Variants in CCSER1 observed in about 807,000 individuals in gnomAD.
The protein encoded by CCSER1 is coiled-coil serine rich protein 1, also known as serine-rich coiled-coil domain-containing protein 1.
CCSER1 carries 41 observed loss-of-function variants against 82.0 expected under a neutral mutation model. That is an observed-to-expected ratio of 0.50 (90% confidence interval 0.39 to 0.65). The LOEUF is 0.65. Among genes scored for constraint, CCSER1 ranks in the 30% least tolerant of loss-of-function variants. The probability of loss-of-function intolerance (pLI) is 0.00; values close to 1 mark genes in which losing one functional copy is unlikely to be tolerated. For missense variants in CCSER1, 1,119 were observed against 1,064.2 expected (o/e 1.05, Z -0.72); for synonymous variants, 414 against 383.9 (o/e 1.08, Z -0.92).
chr4:91,168,186 TG>T (rs1176758127), intron 10 of CCSER1, among the ~76,000 whole-genome samples: 1 of 130,852 alleles, frequency 7.6e-6, no homozygotes, highest in Non-Finnish European at 1.6e-5. Context: ...GCCCATCGTC[TG>T]GGAAGTGAGT....
intron 8 of CCSER1, among the ~76,000 whole-genome samples, chr4:90,849,590 C>A (rs1392687071): frequency 1.3e-5 from 2 of 151,744 alleles, no homozygotes; most frequent in Non-Finnish European, 2.9e-5. Context: ...GAGATCAAGA[C>A]CATCCTGGCT....
At chr4:90,300,189 T>C (rs1732827310) in intron 1 of CCSER1, among the ~76,000 whole-genome samples, 1 of 152,172 alleles carries the variant, frequency 6.6e-6, no homozygotes, top group African/African-American at 2.4e-5. Context: ...GGACTTTGAT[T>C]ACAAGAGGTC....
intron 3 of CCSER1, among the ~76,000 whole-genome samples, chr4:90,354,524 T>G (rs1339353727): frequency 1.3e-5 from 2 of 152,128 alleles, no homozygotes; most frequent in Non-Finnish European, 2.9e-5. Context: ...CAATAGTAAC[T>G]GTGTGATCAA....
At chr4:90,856,037 C>T (rs1206433624) in intron 8 of CCSER1, among the ~76,000 whole-genome samples, 2 of 152,040 alleles carry the variant, frequency 1.3e-5, no homozygotes, top group African/African-American at 2.4e-5. Context: ...ATTTATAGCA[C>T]TCATATTTCT....
intron 10 of CCSER1, among the ~76,000 whole-genome samples, chr4:91,175,157 CT>C: frequency 6.6e-6 from 1 of 152,142 alleles, no homozygotes; most frequent in Admixed American, 6.5e-5. Context: ...TGAACTCATC[CT>C]TTTTTATGGC....
chr4:90,643,449 A>G, intron 6 of CCSER1, among the ~76,000 whole-genome samples: 1 of 152,126 alleles, frequency 6.6e-6, no homozygotes, highest in Admixed American at 6.5e-5. Context: ...GAGCAAGAAT[A>G]TACAGTCTAA....
Position 90,628,204 on chromosome 4 carries a change from T to C in CCSER1, c.1904T>C (p.Leu635Ser). The change falls in exon 6 of 11, where the codon TTA (leucine) becomes TCA (serine). Residue 635 changes from leucine to serine, a missense_variant. Coordinates refer to ENST00000509176, the MANE Select transcript of CCSER1 (RefSeq NM_001145065.2). ...GACTGCACGGCAGTCAAGACGTTAT[T>C]ATTAAAGATGAAGAGAGTTCTTCAA... ...LQDCTAVKTL[L>S]LKMKRVLQES... The C allele has an allele frequency of 6.2e-7, 1 of 1,613,756 alleles. No individual in the cohort carries two copies. The highest frequency in any genetic ancestry group is 8.5e-7 in the Non-Finnish European group (1 of 1,179,738).
intron 1 of CCSER1, among the ~76,000 whole-genome samples, chr4:90,246,979 T>TA (rs140777938): frequency 5.3e-5 from 8 of 151,456 alleles, no homozygotes; most frequent in Admixed American, 1.3e-4. Flanking sequence ...CATTATTAAG[T>TA]AAAAAAAAGG....
chr4:90,353,839 G>A (rs1164333539), intron 3 of CCSER1, among the ~76,000 whole-genome samples: 2 of 152,150 alleles, frequency 1.3e-5, no homozygotes, highest in Admixed American at 1.3e-4. Flanking sequence ...AGAACAAGTG[G>A]CCTCATGCTG....
At chr4:90,754,433 T>A (rs1290496162) in intron 7 of CCSER1, among the ~76,000 whole-genome samples, 5 of 152,142 alleles carry the variant, frequency 3.3e-5, no homozygotes, top group Admixed American at 2.0e-4. Context: ...AATATGCTAT[T>A]CTGTGATGAT....
In CCSER1 at chr4:91,562,146, ATTTTC is replaced by A. The variant is rs1418255429; in HGVS notation, c.2218-36421_2218-36417del. Among the ~76,000 whole-genome samples, 9 of 151,414 alleles carry A rather than the reference ATTTTC, an allele frequency of 5.9e-5. 1 individual carries two copies. The highest frequency in any genetic ancestry group is 3.3e-4 in the Admixed American group (5 of 15,150). ...ACTTCAATCACATTTTACCAAAGTT[ATTTTC>A]TTTTGTCAATCACTGAAATTCAAAA... On this transcript the variant is annotated intron_variant, in intron 10 of 10. Coordinates refer to ENST00000509176, the MANE Select transcript of CCSER1 (RefSeq NM_001145065.2).
intron 9 of CCSER1, among the ~76,000 whole-genome samples, chr4:91,005,531 T>A (rs200276823): frequency 1.3e-5 from 2 of 151,518 alleles, no homozygotes; most frequent in Non-Finnish European, 2.9e-5. Context: ...AATCATTTTT[T>A]AAAATTTTTG....
At chr4:91,016,314 T>C (rs1335591420) in intron 9 of CCSER1, among the ~76,000 whole-genome samples, 8 of 152,014 alleles carry the variant, frequency 5.3e-5, no homozygotes, top group Non-Finnish European at 8.8e-5. Context: ...TGAAATTCAT[T>C]CTGAATGTAT....
Position 91,516,207 on chromosome 4 carries a change from G to A in CCSER1, c.2218-82365G>A, listed in dbSNP as rs544272411. ...TCTTTTGCTGTGCAGAAGCTCTTAA[G>A]TTTAATTAGATCTCATTTGTCAATT... On this transcript the variant is annotated intron_variant, in intron 10 of 10. Transcript: ENST00000509176. Among the ~76,000 whole-genome samples, 10 of 152,200 alleles carry A rather than the reference G, an allele frequency of 6.6e-5. 1 individual carries two copies. The South Asian group carries it at 1.2e-3, about 19-fold the overall frequency.
intron 9 of CCSER1, among the ~76,000 whole-genome samples, chr4:90,937,158 A>G (rs1425566374): frequency 6.6e-6 from 1 of 152,172 alleles, no homozygotes; most frequent in Non-Finnish European, 1.5e-5. Flanking sequence ...GAAAGATGAC[A>G]TTAAGAGAAA....
Position 90,697,741 on chromosome 4 carries a change from G to T in CCSER1, c.1933-26173G>T, listed in dbSNP as rs137940168. Among the ~76,000 whole-genome samples, 315 of 152,180 alleles carry T rather than the reference G, an allele frequency of 2.1e-3. 1 individual carries two copies. Among genetic ancestry groups the T allele is most frequent in the Middle Eastern group, 3.4e-3 (1 of 294 alleles). On this transcript the variant is annotated intron_variant, in intron 6 of 10. Transcript: ENST00000509176. ...CTTTTTAATAAAAGGCGTATGAAAG[G>T]AGAACAATTGATTTGCAGGTATTTT...
At chr4:90,744,008 A>G (rs1395764498) in intron 7 of CCSER1, among the ~76,000 whole-genome samples, 1 of 152,200 alleles carries the variant, frequency 6.6e-6, no homozygotes, top group East Asian at 1.9e-4. Flanking sequence ...GTGGTGAGTC[A>G]TGCAGAACAA....
At chr4:90,252,589 T>G (rs10013445) in intron 1 of CCSER1, among the ~76,000 whole-genome samples, 38,020 of 151,616 alleles carry the variant, frequency 0.25, 7,484 homozygotes, top group East Asian at 0.56. Flanking sequence ...TGGAAAATGG[T>G]ACATCTATCC....
At chr4:91,383,133 G>T (rs1751041657) in intron 10 of CCSER1, among the ~76,000 whole-genome samples, 2 of 152,096 alleles carry the variant, frequency 1.3e-5, no homozygotes, top group Admixed American at 1.3e-4. Flanking sequence ...AAAAAATTGT[G>T]TGATTCAGTT....
Sources: gnomAD v4.1 joint callset for allele counts (sites outside exome capture counted in the v4.1 genomes callset) on GRCh38, gnomAD v4.1.1 for gene constraint, MANE v1.5 for transcripts, NCBI Gene and HGNC (gene_info 2026-07-23, HGNC 2026-07-21) for gene names.